Variants in SEMA5A observed in about 807,000 individuals in gnomAD.
SEMA5A encodes semaphorin 5A.
A neutral mutation model predicts 135.5 loss-of-function variants in SEMA5A; 55 were observed. The ratio of observed to expected loss-of-function variants is 0.41; its 90% confidence interval spans 0.33 to 0.51. The LOEUF (loss-of-function observed/expected upper bound fraction) is 0.51. Ranked by LOEUF, SEMA5A falls within the 20% of genes least tolerant of loss-of-function variation. SEMA5A has a pLI of 0.37. For synonymous variants in SEMA5A, 580 were observed against 546.5 expected (o/e 1.06, Z -0.85); for missense variants, 1,290 against 1,419.9 (o/e 0.91, Z 1.47).
intron 8 of SEMA5A, among the ~76,000 whole-genome samples, chr5:9,216,412 G>A (rs1014729170): frequency 6.6e-6 from 1 of 152,116 alleles, no homozygotes; most frequent in African/African-American, 2.4e-5. Context: ...TAATTATGTG[G>A]TCAATTTTAA....
At chr5:9,509,324 G>A (rs866221337) in intron 1 of SEMA5A, among the ~76,000 whole-genome samples, 56 of 152,040 alleles carry the variant, frequency 3.7e-4, no homozygotes, top group African/African-American at 1.3e-3. Flanking sequence ...GCCCAGGCTG[G>A]AGTGCAATGG....
intron 5 of SEMA5A, among the ~76,000 whole-genome samples, chr5:9,297,379 G>C (rs1561120297): frequency 6.6e-6 from 1 of 151,926 alleles, no homozygotes; most frequent in Non-Finnish European, 1.5e-5. Context: ...GTGGTGATTA[G>C]GTCACGAGGG....
At chr5:9,333,163 A>G (rs766030148) in intron 4 of SEMA5A, among the ~76,000 whole-genome samples, 1 of 152,132 alleles carries the variant, frequency 6.6e-6, no homozygotes, top group Non-Finnish European at 1.5e-5. Flanking sequence ...TAGATGTTAA[A>G]AAATGTTTTC....
At chr5:9,222,380 A>G (rs560650907) in intron 8 of SEMA5A, among the ~76,000 whole-genome samples, 1 of 152,294 alleles carries the variant, frequency 6.6e-6, no homozygotes, top group Admixed American at 6.5e-5. Context: ...AGAGGTATGA[A>G]GACAACACTT....
At chr5:9,207,145 G>C (rs1338773157) in intron 8 of SEMA5A, among the ~76,000 whole-genome samples, 1 of 74,114 alleles carries the variant, frequency 1.3e-5, no homozygotes, top group Non-Finnish European at 3.0e-5. Context: ...AAGCTTAAAG[G>C]TCATTAGAAT....
In SEMA5A at chr5:9,311,902, A is replaced by AT. The variant is rs926513160; in HGVS notation, c.270+6469dup. On this transcript the variant is annotated intron_variant, in intron 5 of 22. Transcript: ENST00000382496. ...GGTGGCAAATTGGAACACAGATTTCATTTTTTCTGCTTATCCCAGCATTTG... is the reference window on the plus strand; with the variant it reads ...GGTGGCAAATTGGAACACAGATTTCATTTTTTTCTGCTTATCCCAGCATTTG... Among the ~76,000 whole-genome samples, 85 of 152,190 alleles carry AT rather than the reference A, an allele frequency of 5.6e-4. 1 individual carries two copies. Among genetic ancestry groups the AT allele is most frequent in the African/African-American group, 1.9e-3 (81 of 41,552 alleles).
intron 11 of SEMA5A, among the ~76,000 whole-genome samples, chr5:9,188,923 A>G (rs2150343945): frequency 6.6e-6 from 1 of 152,292 alleles, no homozygotes; most frequent in East Asian, 1.9e-4. Context: ...GACTTCGGCC[A>G]GTGCTCTTCC....
chr5:9,502,522 C>T (rs955200175), intron 1 of SEMA5A, among the ~76,000 whole-genome samples: 1 of 152,136 alleles, frequency 6.6e-6, no homozygotes, highest in Non-Finnish European at 1.5e-5. Flanking sequence ...GGCCTGGAGT[C>T]GCTTTCAGCT....
intron 2 of SEMA5A, among the ~76,000 whole-genome samples, chr5:9,418,077 CGCCATTCTCCT>C (rs1181471058): frequency 1.3e-5 from 2 of 151,736 alleles, no homozygotes; most frequent in African/African-American, 4.8e-5. Flanking sequence ...CCCGGGTTCA[CGCCATTCTCCT>C]GCCTCAGCCT....
intron 2 of SEMA5A, among the ~76,000 whole-genome samples, chr5:9,435,854 G>A (rs748552188): frequency 8.5e-5 from 13 of 152,122 alleles, no homozygotes; most frequent in South Asian, 6.2e-4. Context: ...GAAAACGTTC[G>A]CCAATTCTTG....
At chr5:9,154,102 T>TGG in intron 12 of SEMA5A, among the ~76,000 whole-genome samples, 1 of 124,002 alleles carries the variant, frequency 8.1e-6, no homozygotes, top group Non-Finnish European at 1.8e-5. Flanking sequence ...TATGTGTGTG[T>TGG]GTGTATGTGT....
At chr5:9,136,155 G>T (rs1741729498) in intron 13 of SEMA5A, among the ~76,000 whole-genome samples, 1 of 152,132 alleles carries the variant, frequency 6.6e-6, no homozygotes, top group Non-Finnish European at 1.5e-5. Context: ...ATTTGTGGGT[G>T]TGGAAGTTTC....
In SEMA5A at chr5:9,109,028, A is replaced by ATTTTTTTTTT. The variant is rs67762219; in HGVS notation, c.1926-751_1926-742dup. 4.7e-3 allele frequency among the ~76,000 whole-genome samples: 434 copies of ATTTTTTTTTT among 92,394 alleles called. 36 individuals are homozygous for ATTTTTTTTTT. The highest frequency in any genetic ancestry group is 0.011 in the East Asian group (31 of 2,766). 60.6% of individuals were successfully genotyped at this position (92,394 alleles called of 152,430 possible). A position where few individuals can be genotyped will look rare whatever the true frequency, so the allele number is the denominator to read the frequency against. On this transcript the variant is annotated intron_variant, in intron 15 of 22. Coordinates refer to ENST00000382496, the MANE Select transcript of SEMA5A (RefSeq NM_003966.3). ...TCATGAGTCATATTATTTCTCTTCA[A>ATTTTTTTTTT]TTTTTTTTTTTTTTTTTTTTTTTTT... is the stretch of plus-strand genomic sequence containing the variant.
intron 16 of SEMA5A, among the ~76,000 whole-genome samples, chr5:9,070,785 G>A (rs1173470984): frequency 6.6e-6 from 1 of 152,188 alleles, no homozygotes; most frequent in East Asian, 1.9e-4. Flanking sequence ...CTCCTTTCAA[G>A]TGCTTTTTGA....
intron 3 of SEMA5A, among the ~76,000 whole-genome samples, chr5:9,355,755 C>T (rs372186610): frequency 2.0e-5 from 3 of 151,704 alleles, no homozygotes; most frequent in African/African-American, 4.8e-5. Context: ...AGGTGAGGAA[C>T]GACAGAAGGA....
In SEMA5A at chr5:9,187,143, G is replaced by A. The variant is rs971872159; in HGVS notation, c.1273+3124C>T. On this transcript the variant is annotated intron_variant, in intron 11 of 22. Coordinates refer to ENST00000382496, the MANE Select transcript of SEMA5A (RefSeq NM_003966.3). ...TTGGGGGTTATTTGGCTCTTAGAGG[G>A]TTAAATTAAAATGTATATTATTATA... Among the ~76,000 whole-genome samples, 5 of 151,772 alleles carry A rather than the reference G, an allele frequency of 3.3e-5. No individual in the cohort carries two copies. In the East Asian group the frequency reaches 9.7e-4, roughly 29 times the overall value.
chr5:9,359,574 T>C (rs930428755), intron 3 of SEMA5A, among the ~76,000 whole-genome samples: 5 of 152,210 alleles, frequency 3.3e-5, no homozygotes, highest in Non-Finnish European at 7.3e-5. Flanking sequence ...AATGAGTCAG[T>C]CCTTCCTTTC....
At chr5:9,390,318 A>C (rs1756104903) in intron 2 of SEMA5A, among the ~76,000 whole-genome samples, 1 of 152,232 alleles carries the variant, frequency 6.6e-6, no homozygotes, top group African/African-American at 2.4e-5. Context: ...ATATCACCAA[A>C]TGTATGAACC....
chr5:9,227,403 C>G (rs2150423526), intron 6 of SEMA5A, among the ~76,000 whole-genome samples: 1 of 152,284 alleles, frequency 6.6e-6, no homozygotes, highest in East Asian at 1.9e-4. Flanking sequence ...GAAGCAGTGC[C>G]TTGGAAAACT....
Sources: allele counts gnomAD v4.1 joint callset (sites outside exome capture counted in the v4.1 genomes callset), GRCh38; gene constraint gnomAD v4.1.1; transcripts MANE v1.5; gene names NCBI Gene and HGNC (gene_info 2026-07-23, HGNC 2026-07-21).